Variants in CTNNA3 observed in about 807,000 individuals in gnomAD.
CTNNA3 encodes catenin alpha 3, also known as catenin alpha-3.
Under a neutral mutation model 95.7 loss-of-function variants are expected in CTNNA3, and 76 were observed. That is an observed-to-expected ratio of 0.79 (90% CI 0.66 to 0.96). The LOEUF (loss-of-function observed/expected upper bound fraction) is 0.96, where lower values mean the gene tolerates loss of function less well. CTNNA3 is among the 40% of genes least tolerant of loss of function. The pLI, the probability that CTNNA3 is intolerant of heterozygous loss-of-function variation, is 0.00. For synonymous variants in CTNNA3, 431 were observed against 374.4 expected (o/e 1.15, Z -1.74); for missense variants, 1,191 against 1,089.8 (o/e 1.09, Z -1.31).
intron 5 of CTNNA3, among the ~76,000 whole-genome samples, chr10:67,311,886 C>A (rs1840817628): frequency 6.6e-6 from 1 of 151,782 alleles, no homozygotes; most frequent in African/African-American, 2.4e-5. Flanking sequence ...GTATCCCAAC[C>A]CCAACATTCT....
chr10:66,504,274 G>C (rs1460286032), intron 11 of CTNNA3, among the ~76,000 whole-genome samples: 1 of 152,008 alleles, frequency 6.6e-6, no homozygotes, highest in Non-Finnish European at 1.5e-5. Flanking sequence ...AGACTTTTTA[G>C]GACAATGTAA....
chr10:66,879,320 G>A (rs929358829), intron 7 of CTNNA3, among the ~76,000 whole-genome samples: 1 of 152,068 alleles, frequency 6.6e-6, no homozygotes, highest in African/African-American at 2.4e-5. Context: ...AGCAAAGATA[G>A]TATCACTAGG....
At chr10:67,142,594 T>C (rs894049063) in intron 7 of CTNNA3, among the ~76,000 whole-genome samples, 3 of 152,146 alleles carry the variant, frequency 2.0e-5, no homozygotes, top group Non-Finnish European at 2.9e-5. Context: ...GCCTATTAAG[T>C]GTGCGGAGCA....
intron 3 of CTNNA3, among the ~76,000 whole-genome samples, chr10:67,604,391 AG>A (rs1843192334): frequency 6.6e-6 from 1 of 152,220 alleles, no homozygotes; most frequent in Non-Finnish European, 1.5e-5. Context: ...TAGGTTTAAA[AG>A]TTTGAACTTT....
Position 66,332,732 on chromosome 10 carries a change from C to G in CTNNA3, c.1732+46420G>C, listed in dbSNP as rs1028244843. On this transcript the variant is annotated intron_variant, in intron 12 of 17. Transcript: ENST00000433211. ...GCCAGGCTTTGGTATCAGGATGATG[C>G]TGGCCTCATAAAATGAGTTAGGGAG... is the stretch of plus-strand genomic sequence containing the variant. Among the ~76,000 whole-genome samples the G allele has an allele frequency of 7.1e-4, 108 of 152,118 alleles. 2 individuals carry two copies. The highest frequency in any genetic ancestry group is 3.4e-3 in the Middle Eastern group (1 of 294).
At chr10:67,517,094 C>T (rs1229778573) in intron 5 of CTNNA3, among the ~76,000 whole-genome samples, 1 of 152,056 alleles carries the variant, frequency 6.6e-6, no homozygotes, top group Non-Finnish European at 1.5e-5. Context: ...GATACTGATT[C>T]CATTTTCTTT....
chr10:67,685,310 A>C (rs1840709384), intron 1 of CTNNA3, among the ~76,000 whole-genome samples: 1 of 152,198 alleles, frequency 6.6e-6, no homozygotes, highest in African/African-American at 2.4e-5. Context: ...TGATTCTGTA[A>C]GTACTTTAAG....
In CTNNA3 at chr10:67,514,446, C is replaced by T. The variant is rs532450661; in HGVS notation, c.579+7396G>A. Among the ~76,000 whole-genome samples the T allele has an allele frequency of 1.2e-4, 18 of 152,184 alleles. No individual in the cohort carries two copies. The East Asian group carries it at 2.7e-3, about 23-fold the overall frequency. On this transcript the variant is annotated intron_variant, in intron 5 of 17. Transcript: ENST00000433211. ...CATAATCTTAGTAGTGAAAGATTACCTTCTTTTCATGCACAGATCACTTTC... is the reference window on the plus strand; with the variant it reads ...CATAATCTTAGTAGTGAAAGATTACTTTCTTTTCATGCACAGATCACTTTC...
At chr10:67,524,281 T>C (rs1840071239) in intron 4 of CTNNA3, among the ~76,000 whole-genome samples, 1 of 151,204 alleles carries the variant, frequency 6.6e-6, no homozygotes, top group African/African-American at 2.4e-5. Flanking sequence ...CGGGCGCCTG[T>C]AGTCCCCGCG....
intron 1 of CTNNA3, among the ~76,000 whole-genome samples, chr10:67,736,752 C>G (rs967586962): frequency 2.0e-5 from 3 of 151,938 alleles, no homozygotes; most frequent in Non-Finnish European, 4.4e-5. Flanking sequence ...ACCCGGCCCA[C>G]ATTTTTTAAA....
chr10:66,903,594 G>T (rs983362170), intron 7 of CTNNA3, among the ~76,000 whole-genome samples: 1 of 152,150 alleles, frequency 6.6e-6, no homozygotes, highest in Non-Finnish European at 1.5e-5. Flanking sequence ...AATTGTCCCT[G>T]TTTGCAGATG....
At chr10:66,660,378 T>C (rs1589086328) in intron 9 of CTNNA3, among the ~76,000 whole-genome samples, 1 of 152,338 alleles carries the variant, frequency 6.6e-6, no homozygotes, top group Non-Finnish European at 1.5e-5. Context: ...ATTTGTGATA[T>C]GCCTCCAACC....
chr10:67,029,470 A>C (rs926262559), intron 7 of CTNNA3, among the ~76,000 whole-genome samples: 1 of 152,204 alleles, frequency 6.6e-6, no homozygotes, highest in Non-Finnish European at 1.5e-5. Context: ...TCTTAGGAAA[A>C]GCATGATAAC....
chr10:66,618,621 A>C (rs1255927251), intron 10 of CTNNA3, among the ~76,000 whole-genome samples: 2 of 152,192 alleles, frequency 1.3e-5, no homozygotes, highest in African/African-American at 4.8e-5. Context: ...AAGAAAACCT[A>C]GGCAATACTA....
chr10:66,462,907 T>C (rs2093539248), intron 11 of CTNNA3, among the ~76,000 whole-genome samples: 1 of 152,148 alleles, frequency 6.6e-6, no homozygotes, highest in Non-Finnish European at 1.5e-5. Flanking sequence ...AACCTTTTTA[T>C]TTTCTGAAGT....
chr10:67,219,975 C>T (rs1564985368), intron 5 of CTNNA3, 105 bp from the exon 6 acceptor site: 1 of 876,062 alleles, frequency 1.1e-6, no homozygotes, highest in Non-Finnish European at 1.7e-6. Context: ...AGATAATAGA[C>T]ATGAAGAAGT....
At chr10:66,300,918 T>C (rs7923305) in intron 12 of CTNNA3, among the ~76,000 whole-genome samples, 74,725 of 151,334 alleles carry the variant, frequency 0.49, 18,926 homozygotes, top group African/African-American at 0.61. Context: ...CAATAAAATT[T>C]ACAAGCCCGT....
At chr10:66,447,634 A>G (rs1424390469) in intron 11 of CTNNA3, among the ~76,000 whole-genome samples, 42 of 152,216 alleles carry the variant, frequency 2.8e-4, no homozygotes, top group African/African-American at 9.1e-4. Context: ...GTAGAAAGCT[A>G]AAACTGGATC....
chr10:67,165,446 G>T (rs1472118249), intron 7 of CTNNA3, among the ~76,000 whole-genome samples: 1 of 152,064 alleles, frequency 6.6e-6, no homozygotes, highest in Non-Finnish European at 1.5e-5. Context: ...TTTCTGTATC[G>T]TTTTTGTGTT....
Sources: gnomAD v4.1 joint callset for allele counts (sites outside exome capture counted in the v4.1 genomes callset) on GRCh38, gnomAD v4.1.1 for gene constraint, MANE v1.5 for transcripts, NCBI Gene and HGNC (gene_info 2026-07-23, HGNC 2026-07-21) for gene names.